MACO1: variants seen among roughly 807,000 people sequenced by gnomAD.
MACO1 encodes macoilin 1.
Under a neutral mutation model 78.7 loss-of-function variants are expected in MACO1, and 14 were observed. The ratio of observed to expected loss-of-function variants is 0.18; its 90% CI spans 0.12 to 0.28. The LOEUF (loss-of-function observed/expected upper bound fraction) is 0.28, where lower values mean the gene tolerates loss of function less well. Among genes scored for constraint, MACO1 ranks in the 10% least tolerant of loss-of-function variants. The pLI is 1.00. For synonymous variants in MACO1, 288 were observed against 291.6 expected (o/e 0.99, Z 0.12); for missense variants, 501 against 799.0 (o/e 0.63, Z 4.50).
intron 6 of MACO1, among the ~76,000 whole-genome samples, chr1:25,473,175 A>G (rs778297129): frequency 7.5e-6 from 1 of 132,536 alleles, no homozygotes; most frequent in East Asian, 2.9e-4. Flanking sequence ...AATATTTTCT[A>G]TACCTATAGT....
In MACO1 at chr1:25,485,477, C is replaced by A; in HGVS notation, c.1314-136C>A. On this transcript the variant is annotated intron_variant, in intron 7 of 10. Coordinates refer to ENST00000374343, the MANE Select transcript of MACO1 (RefSeq NM_018202.6). This position sits in a 1 kb window ranked among gnomAD's most constrained non-coding sequence, Gnocchi z 4.3. Reference sequence around the variant, plus strand: ...TAACAGTGTGTTTTCCTCAGGCATTCTGGGCATTGACATTTTTGATTTGCT... The same window carrying A: ...TAACAGTGTGTTTTCCTCAGGCATTATGGGCATTGACATTTTTGATTTGCT... 1 of 818,140 alleles carries A rather than the reference C, an allele frequency of 1.2e-6. No homozygotes were observed. Among genetic ancestry groups the A allele is most frequent in the Non-Finnish European group, 1.9e-6 (1 of 531,668 alleles). 50.7% of individuals were successfully genotyped at this position (818,140 alleles called of 1,614,324 possible).
At chr1:25,471,266 G>C (rs1184642708) in intron 6 of MACO1, among the ~76,000 whole-genome samples, 1 of 151,352 alleles carries the variant, frequency 6.6e-6, no homozygotes, top group Non-Finnish European at 1.5e-5. Flanking sequence ...TTGAACCTGA[G>C]AGGCAGAGAT....
intron 1 of MACO1, among the ~76,000 whole-genome samples, chr1:25,442,335 G>T (rs2042979950): frequency 6.6e-6 from 1 of 152,224 alleles, no homozygotes; most frequent in Non-Finnish European, 1.5e-5. Flanking sequence ...AATGCAAAAG[G>T]TGACTCACAG....
intron 6 of MACO1, among the ~76,000 whole-genome samples, chr1:25,461,870 TA>T (rs1211590455): frequency 6.6e-6 from 1 of 152,244 alleles, no homozygotes; most frequent in Admixed American, 6.5e-5. Flanking sequence ...TTTTTCTTTT[TA>T]TTTTCATACA....
chr1:25,467,028 G>A (rs957173452), intron 6 of MACO1, among the ~76,000 whole-genome samples: 2 of 152,154 alleles, frequency 1.3e-5, no homozygotes, highest in Admixed American at 1.3e-4. Context: ...GGAGGCCAAG[G>A]CGGGTGGATC....
At chr1:25,469,748 T>G (rs138437971) in intron 6 of MACO1, among the ~76,000 whole-genome samples, 7,255 of 151,394 alleles carry the variant, frequency 0.048, 548 homozygotes, top group African/African-American at 0.16. Context: ...GTGATTCTCC[T>G]GCCTCAGCCT....
At chr1:25,432,070 T>C (rs919345611) in intron 1 of MACO1, among the ~76,000 whole-genome samples, 4 of 152,246 alleles carry the variant, frequency 2.6e-5, no homozygotes, top group African/African-American at 7.2e-5. Context: ...CTGGTTCTTC[T>C]CAGAATGTTA....
At chr1:25,493,707 T>TAACAGA (rs2043509091) in intron 10 of MACO1, among the ~76,000 whole-genome samples, 1 of 150,486 alleles carries the variant, frequency 6.6e-6, no homozygotes, top group South Asian at 2.1e-4. Context: ...ATGTCTGACT[T>TAACAGA]AACAGAAGAT....
rs113481957 is a variant in MACO1, at chr1:25,445,133, A to T, written c.81-1629A>T. Among the ~76,000 whole-genome samples the T allele has an allele frequency of 2.1e-4, 5 of 23,892 alleles. No homozygotes were observed. The African/African-American group carries it at 2.6e-3, about 12-fold the overall frequency. 15.7% of individuals were successfully genotyped at this position (23,892 alleles called of 152,430 possible). On this transcript the variant is annotated intron_variant, in intron 1 of 10. Transcript: ENST00000374343. ...ACATGGTGAGACTCCCATCTCTATTAAAAAAAAAAAAAAAAAAAAGCCAAA... is the reference window on the plus strand; with the variant it reads ...ACATGGTGAGACTCCCATCTCTATTTAAAAAAAAAAAAAAAAAAAGCCAAA...
At chr1:25,449,684 T>C (rs2043047464) in intron 3 of MACO1, among the ~76,000 whole-genome samples, 1 of 152,146 alleles carries the variant, frequency 6.6e-6, no homozygotes, top group African/African-American at 2.4e-5. Flanking sequence ...TAAAGAGGCT[T>C]TCCCAGAAAA....
Position 25,431,032 on chromosome 1 carries a change from AGCG to A in MACO1, c.-58_-56del. The A allele has an allele frequency of 6.0e-6, 7 of 1,172,688 alleles. No homozygotes were observed. Among genetic ancestry groups the A allele is most frequent in the South Asian group, 1.4e-5 (1 of 73,370 alleles). The allele number at this position is 1,172,688 out of a possible 1,614,324, so 72.6% of individuals were successfully genotyped here. On this transcript the variant is annotated 5_prime_UTR_variant, in exon 1 of 11. Transcript: ENST00000374343. ...GTCCAGGCCCGACGCGGGGCGGGCC[AGCG>A]GCGGCGGCAGCTGAGGTGAGAGACG...
chr1:25,452,138 C>G (rs984791386), intron 3 of MACO1, among the ~76,000 whole-genome samples: 1 of 152,048 alleles, frequency 6.6e-6, no homozygotes, highest in African/African-American at 2.4e-5. Context: ...TTTATTTAAA[C>G]TCTGGGGTTT....
At chr1:25,471,033 A>G (rs1262171079) in intron 6 of MACO1, among the ~76,000 whole-genome samples, 1 of 151,480 alleles carries the variant, frequency 6.6e-6, no homozygotes, top group Non-Finnish European at 1.5e-5. Context: ...GTCTTTAAAA[A>G]AAATTAAAAA....
At chr1:25,459,866 T>C (rs2043155994) in intron 6 of MACO1, among the ~76,000 whole-genome samples, 1 of 152,194 alleles carries the variant, frequency 6.6e-6, no homozygotes, top group South Asian at 2.1e-4. Flanking sequence ...AACACAAATA[T>C]GTTCCTTTCA....
intron 6 of MACO1, among the ~76,000 whole-genome samples, chr1:25,481,670 G>T (rs1041522100): frequency 2.0e-5 from 3 of 152,224 alleles, no homozygotes; most frequent in Non-Finnish European, 4.4e-5. Flanking sequence ...CTACTTAGGA[G>T]TGAATGAGAG....
intron 5 of MACO1, 54 bp from the exon 6 acceptor site, chr1:25,458,337 A>G: frequency 6.5e-7 from 1 of 1,527,850 alleles, no homozygotes; most frequent in South Asian, 1.4e-5. Flanking sequence ...TTGTTAAACA[A>G]CTAAATATTC....
intron 8 of MACO1, among the ~76,000 whole-genome samples, chr1:25,486,417 G>T (rs940244553): frequency 1.4e-4 from 21 of 152,088 alleles, no homozygotes; most frequent in African/African-American, 5.1e-4. Flanking sequence ...CTATTAGATA[G>T]TTAAGAGCTT....
At position 25,443,477 on chromosome 1, in the gene MACO1, C is replaced by T. The variant is rs563801993; in HGVS notation, c.81-3285C>T. On this transcript the variant is annotated intron_variant, in intron 1 of 10. Coordinates refer to ENST00000374343, the MANE Select transcript of MACO1 (RefSeq NM_018202.6). ...GATCAAGTTTTCTTAGATACCTGTA[C>T]TTCTAAACTGTGACTCAGTAAGAAC... Among the ~76,000 whole-genome samples the T allele has an allele frequency of 7.3e-4, 111 of 152,286 alleles. 1 individual carries two copies. The highest frequency in any genetic ancestry group is 1.4e-3 in the Non-Finnish European group (92 of 68,028).
In MACO1 at chr1:25,498,463, A is replaced by G. The variant is rs750963889; in HGVS notation, c.1992A>G (p.Lys664=). 3 of 1,607,360 alleles carry G rather than the reference A, an allele frequency of 1.9e-6. No homozygotes were observed. In the East Asian group the frequency reaches 6.7e-5, roughly 36 times the overall value. ...PNASVYQPLK[K] ...CCTCTGTTTACCAGCCCCTGAAGAA[A>G]TGAAGGCCAGCTGTGTGTTGTGCCC... The change falls in exon 11 of 11, where the codon AAA becomes AAG. Residue 664 remains lysine, a synonymous_variant. Transcript: ENST00000374343.
Sources: allele counts gnomAD v4.1 joint callset (sites outside exome capture counted in the v4.1 genomes callset), GRCh38; gene constraint gnomAD v4.1.1; non-coding constraint Gnocchi (gnomAD v3.1); transcripts MANE v1.5; gene names NCBI Gene and HGNC (gene_info 2026-07-23, HGNC 2026-07-21).